The following BCL2 variants were observed in gnomAD, a reference collection of about 807,000 sequenced individuals.
BCL2 encodes the protein BCL2 apoptosis regulator.
In BCL2, 1 loss-of-function variant was observed where a neutral mutation model predicts 14.2. The observed-to-expected ratio is 0.07, with a 90% CI of 0.02 to 0.33. The LOEUF is 0.33. Ranked by LOEUF, BCL2 falls within the 10% of genes least tolerant of loss-of-function variation. BCL2 has a pLI of 0.99. For synonymous variants in BCL2, 151 were observed against 137.2 expected (o/e 1.10, Z -0.70); for missense variants, 247 against 305.9 (o/e 0.81, Z 1.44).
chr18:63,318,247 G>A lies in BCL2; in HGVS notation c.420C>T (p.Asp140=), dbSNP rs779104297. The A allele has an allele frequency of 2.5e-6, 4 of 1,614,126 alleles. No individual in the cohort carries two copies. Among genetic ancestry groups the A allele is most frequent in the Non-Finnish European group, 3.4e-6 (4 of 1,180,016 alleles). The change falls in exon 2 of 3, where the codon GAC becomes GAT. Residue 140 remains aspartate, a synonymous_variant. Coordinates refer to ENST00000333681, the MANE Select transcript of BCL2 (RefSeq NM_000633.3). This position sits in a 1 kb window ranked among gnomAD's most constrained non-coding sequence, Gnocchi z 7.4. ...CCACAATCCTCCCCCAGTTCACCCC[G>A]TCCCTGAAGAGCTCCTCCACCACCG... ...FATVVEELFR[D]GVNWGRIVAF...
chr18:63,141,861 C>T (rs1029766079), intron 2 of BCL2, among the ~76,000 whole-genome samples: 8 of 152,342 alleles, frequency 5.3e-5, no homozygotes, highest in East Asian at 1.9e-4. Flanking sequence ...TTGGGCCAAG[C>T]GTGCCGTGGC....
At chr18:63,161,057 T>C (rs1914909330) in intron 2 of BCL2, among the ~76,000 whole-genome samples, 2 of 152,134 alleles carry the variant, frequency 1.3e-5, no homozygotes, top group South Asian at 4.1e-4. Flanking sequence ...AAATCACTTT[T>C]CCAAAATGGT....
intron 2 of BCL2, among the ~76,000 whole-genome samples, chr18:63,307,653 C>T (rs1018304453): frequency 2.0e-5 from 3 of 152,172 alleles, no homozygotes; most frequent in African/African-American, 7.2e-5. Context: ...TGGATGTATT[C>T]ATTAAGAAGG....
At chr18:63,148,973 C>G (rs1223112459) in intron 2 of BCL2, among the ~76,000 whole-genome samples, 1 of 152,198 alleles carries the variant, frequency 6.6e-6, no homozygotes, top group Non-Finnish European at 1.5e-5. Context: ...TCCTGCCTTT[C>G]CACTCAATCA....
At position 63,237,638 on chromosome 18, in the gene BCL2, C is replaced by A. The variant is rs555739228; in HGVS notation, c.585+80444G>T. Among the ~76,000 whole-genome samples the A allele has an allele frequency of 2.6e-5, 4 of 152,310 alleles. No individual in the cohort carries two copies. The South Asian group carries it at 8.3e-4, about 32-fold the overall frequency. ...AGGCTAGTTTTCACCCAATCCCTAG[C>A]CTCCTCACACCTTTCCTTGTTATTT... is the stretch of plus-strand genomic sequence containing the variant. On this transcript the variant is annotated intron_variant, in intron 2 of 2. Coordinates refer to ENST00000333681, the MANE Select transcript of BCL2 (RefSeq NM_000633.3).
intron 2 of BCL2, among the ~76,000 whole-genome samples, chr18:63,189,332 A>G (rs1915665627): frequency 6.6e-6 from 1 of 152,142 alleles, no homozygotes; most frequent in Non-Finnish European, 1.5e-5. Context: ...ACCATTCAGC[A>G]TTTAGCCATA....
At chr18:63,294,372 TAAAAAG>T (rs1012830196) in intron 2 of BCL2, among the ~76,000 whole-genome samples, 6 of 152,044 alleles carry the variant, frequency 3.9e-5, no homozygotes, top group Non-Finnish European at 8.8e-5. Flanking sequence ...ATAAATTCTT[TAAAAAG>T]AAAAAGTAGG....
At chr18:63,259,953 A>G (rs1911606704) in intron 2 of BCL2, among the ~76,000 whole-genome samples, 1 of 152,196 alleles carries the variant, frequency 6.6e-6, no homozygotes, top group African/African-American at 2.4e-5. Flanking sequence ...CTCAGTTACC[A>G]TTCTCCACAG....
rs562005023 is a variant in BCL2, at chr18:63,227,063, T to A, written c.585+91019A>T. Among the ~76,000 whole-genome samples, 18 of 151,610 alleles carry A rather than the reference T, an allele frequency of 1.2e-4. No homozygotes were observed. The South Asian group carries it at 2.9e-3, about 25-fold the overall frequency. Reference sequence around the variant, plus strand: ...CACCAAAGATAAAAACAAAAAAAAATTTTAAAGCAATATGAGAGAGAGAGA... The same window carrying A: ...CACCAAAGATAAAAACAAAAAAAAAATTTAAAGCAATATGAGAGAGAGAGA... On this transcript the variant is annotated intron_variant, in intron 2 of 2. Transcript: ENST00000333681.
chr18:63,290,573 T>A (rs950228326), intron 2 of BCL2, among the ~76,000 whole-genome samples: 1 of 152,176 alleles, frequency 6.6e-6, no homozygotes, highest in Non-Finnish European at 1.5e-5. Flanking sequence ...CCATTCATAG[T>A]AAGGACCATC....
intron 2 of BCL2, among the ~76,000 whole-genome samples, chr18:63,148,116 C>T (rs1433932398): frequency 6.6e-6 from 1 of 152,186 alleles, no homozygotes; most frequent in African/African-American, 2.4e-5. Flanking sequence ...CGCTCCCCCC[C>T]ATTTCAGATA....
chr18:63,265,021 G>A (rs1486735900), intron 2 of BCL2, among the ~76,000 whole-genome samples: 2 of 152,232 alleles, frequency 1.3e-5, no homozygotes, highest in African/African-American at 4.8e-5. Context: ...GGGTCCTCAA[G>A]GGACTGGGAG....
intron 2 of BCL2, among the ~76,000 whole-genome samples, chr18:63,285,973 A>T (rs1912460759): frequency 6.6e-6 from 1 of 152,242 alleles, no homozygotes; most frequent in East Asian, 1.9e-4. Context: ...TCCTTTCTGC[A>T]ACAGCAGCCT....
chr18:63,306,618 C>T (rs1174991605), intron 2 of BCL2, among the ~76,000 whole-genome samples: 1 of 152,210 alleles, frequency 6.6e-6, no homozygotes, highest in Non-Finnish European at 1.5e-5. Flanking sequence ...GATTCCTGCT[C>T]ATCCTTCAGG....
intron 2 of BCL2, among the ~76,000 whole-genome samples, chr18:63,273,605 CT>C (rs1912063688): frequency 6.6e-6 from 1 of 152,218 alleles, no homozygotes; most frequent in Admixed American, 6.5e-5. Flanking sequence ...CCTTGGCAGT[CT>C]CTTGAACTCT....
intron 2 of BCL2, among the ~76,000 whole-genome samples, chr18:63,203,641 A>G (rs1377954498): frequency 5.3e-5 from 8 of 152,152 alleles, no homozygotes; most frequent in Admixed American, 5.2e-4. Flanking sequence ...GGGGCAAGTT[A>G]GGTAACTTCT....
intron 2 of BCL2, among the ~76,000 whole-genome samples, chr18:63,131,253 G>C (rs1387740273): frequency 6.6e-6 from 1 of 152,204 alleles, no homozygotes; most frequent in East Asian, 1.9e-4. Context: ...TGCTAACCCA[G>C]TGGGCCTTCT....
At chr18:63,296,001 A>C (rs755271256) in intron 2 of BCL2, among the ~76,000 whole-genome samples, 36 of 152,058 alleles carry the variant, frequency 2.4e-4, no homozygotes, top group Non-Finnish European at 4.1e-4. Context: ...GCCCTTCCCC[A>C]ATGGGCCTCA....
chr18:63,311,120 A>G (rs1204390788), intron 2 of BCL2, among the ~76,000 whole-genome samples: 1 of 151,256 alleles, frequency 6.6e-6, no homozygotes. Context: ...TCAGATATCA[A>G]TATATCTGAG....
Sources: gnomAD v4.1 joint callset for allele counts (sites outside exome capture counted in the v4.1 genomes callset) on GRCh38, gnomAD v4.1.1 for gene constraint, Gnocchi (gnomAD v3.1) non-coding constraint, MANE v1.5 for transcripts, NCBI Gene and HGNC (gene_info 2026-07-23, HGNC 2026-07-21) for gene names.